Variants in DIP2C observed in about 807,000 individuals in gnomAD.
DIP2C encodes disco-interacting protein 2 homolog C.
A neutral mutation model predicts 192.4 loss-of-function variants in DIP2C; 33 were observed. The ratio of observed to expected loss-of-function variants is 0.17; its 90% CI spans 0.13 to 0.23. The LOEUF (loss-of-function observed/expected upper bound fraction) is 0.23, where lower values mean the gene tolerates loss of function less well. DIP2C is among the 10% of genes least tolerant of loss of function. DIP2C has a pLI of 1.00. For synonymous variants in DIP2C, 979 were observed against 864.1 expected, an observed-to-expected ratio of 1.13 and a Z score of -2.33; for missense variants, 1,537 against 2,110.1, an observed-to-expected ratio of 0.73 and a Z score of 5.32.
chr10:666,102 C>G lies in DIP2C; in HGVS notation c.85+23392G>C, dbSNP rs1857071473. 6.6e-6 allele frequency: 1 copy of G among 152,194 alleles called. No individual in the cohort carries two copies. The highest frequency in any genetic ancestry group is 2.4e-5 in the African/African-American group (1 of 41,450). 9.4% of individuals were successfully genotyped at this position (152,194 alleles called of 1,614,324 possible). On this transcript the variant is annotated intron_variant, in intron 1 of 36. Coordinates refer to ENST00000280886, the MANE Select transcript of DIP2C (RefSeq NM_014974.3). This position sits in a 1 kb window ranked among gnomAD's most constrained non-coding sequence, Gnocchi z 4.1. Reference sequence around the variant, plus strand: ...GCTACGGTGGAGGAACGAAGAGCAGCTGTGAGTTCGTGGGAAAGAAGGGCT... The same window carrying G: ...GCTACGGTGGAGGAACGAAGAGCAGGTGTGAGTTCGTGGGAAAGAAGGGCT...
intron 3 of DIP2C, among the ~76,000 whole-genome samples, chr10:452,661 C>T (rs1443809216): frequency 6.6e-6 from 1 of 152,218 alleles, no homozygotes; most frequent in African/African-American, 2.4e-5. Flanking sequence ...CCACGATGGC[C>T]CCCTGGTTCC....
chr10:371,020 C>T (rs983478581), intron 17 of DIP2C, among the ~76,000 whole-genome samples: 3 of 152,320 alleles, frequency 2.0e-5, no homozygotes, highest in African/African-American at 7.2e-5. Flanking sequence ...CCACACGGAA[C>T]TACCTAGATA....
chr10:372,714 C>T (rs1429436552), intron 17 of DIP2C, among the ~76,000 whole-genome samples: 185 of 151,848 alleles, frequency 1.2e-3, no homozygotes, highest in Middle Eastern at 6.8e-3. Flanking sequence ...CACAGAAGCG[C>T]AGGAGGTCCC....
rs141577341 is a variant in DIP2C, at chr10:400,950, C to T, written c.1150-1731G>A. The stretch of plus-strand genomic sequence containing the variant: ...GAATCCTATGATTTTACACGTGTGG[C>T]AGCATTAGCATTACTCTTCCTTATG... On this transcript the variant is annotated intron_variant, in intron 9 of 36. Transcript: ENST00000280886. Among the ~76,000 whole-genome samples, 383 of 100,534 alleles carry T rather than the reference C, an allele frequency of 3.8e-3. 17 individuals are homozygous for T. Among genetic ancestry groups the T allele is most frequent in the East Asian group, 0.022 (70 of 3,120 alleles). 66.0% of individuals were successfully genotyped at this position (100,534 alleles called of 152,430 possible).
At chr10:526,733 G>C (rs1299778336) in intron 1 of DIP2C, among the ~76,000 whole-genome samples, 5 of 152,188 alleles carry the variant, frequency 3.3e-5, no homozygotes, top group Admixed American at 6.5e-5. Flanking sequence ...CTTCCGGAAG[G>C]CATTTGTGTC....
At chr10:346,329 C>T (rs1958451169) in intron 26 of DIP2C, among the ~76,000 whole-genome samples, 1 of 78,676 alleles carries the variant, frequency 1.3e-5, no homozygotes, top group African/African-American at 5.9e-5. Context: ...ACACATCGCG[C>T]ATAGTTCTCC....
At position 413,992 on chromosome 10, in the gene DIP2C, C is replaced by T. The variant is rs545677855; in HGVS notation, c.978G>A (p.Arg326=). The part of the protein sequence containing the change: ...WPPSLEAALQ[R]WGTISPKAPC... ...GCGCCTTGGGCGAGATGGTGCCCCA[C>T]CTCTGCAGTGCGGCCTCCAGCGACG... The change falls in exon 8 of 37, where the codon AGG becomes AGA. Residue 326 remains arginine (R), a synonymous_variant. Transcript: ENST00000280886. 43 of 1,614,174 alleles carry T rather than the reference C, an allele frequency of 2.7e-5. No individual in the cohort carries two copies. In the South Asian group the frequency reaches 4.1e-4, roughly 15 times the overall value.
chr10:601,938 T>C (rs1340518917), intron 1 of DIP2C, among the ~76,000 whole-genome samples: 1 of 152,104 alleles, frequency 6.6e-6, no homozygotes, highest in African/African-American at 2.4e-5. Context: ...GATTGATCAG[T>C]GGGAACCGGC....
At chr10:565,753 G>A (rs994490196) in intron 1 of DIP2C, among the ~76,000 whole-genome samples, 7 of 152,192 alleles carry the variant, frequency 4.6e-5, no homozygotes, top group South Asian at 4.1e-4. Flanking sequence ...GCTTACAGTC[G>A]CGTAACGGAG....
chr10:674,482 TAGAG>T (rs1194240283), intron 1 of DIP2C, among the ~76,000 whole-genome samples: 3 of 151,942 alleles, frequency 2.0e-5, no homozygotes, highest in Non-Finnish European at 2.9e-5. Context: ...TAGATCTAAA[TAGAG>T]AGGCGGGGTG....
At chr10:384,448 G>A (rs111340963) in intron 15 of DIP2C, 98 bp downstream of exon 15, 37 of 1,225,548 alleles carry the variant, frequency 3.0e-5, no homozygotes, top group African/African-American at 1.8e-4. Flanking sequence ...ATATTGGCCC[G>A]GGTGGTCTGG....
intron 1 of DIP2C, among the ~76,000 whole-genome samples, chr10:678,183 G>C (rs1281043117): frequency 6.6e-6 from 1 of 152,150 alleles, no homozygotes; most frequent in African/African-American, 2.4e-5. Context: ...CTGGAACTCT[G>C]AGTGGAAGTT....
intron 9 of DIP2C, among the ~76,000 whole-genome samples, chr10:404,693 T>C (rs1428470141): frequency 2.0e-5 from 3 of 152,220 alleles, no homozygotes; most frequent in Non-Finnish European, 4.4e-5. Context: ...GCAGGATCAC[T>C]GGCAGACACA....
intron 1 of DIP2C, among the ~76,000 whole-genome samples, chr10:606,176 G>A (rs1588579875): frequency 6.6e-6 from 1 of 152,224 alleles, no homozygotes; most frequent in African/African-American, 2.4e-5. Context: ...AACGAGTCCT[G>A]CATAAACCCT....
At chr10:473,847 G>C (rs1970846922) in intron 2 of DIP2C, among the ~76,000 whole-genome samples, 2 of 152,234 alleles carry the variant, frequency 1.3e-5, no homozygotes, top group Admixed American at 1.3e-4. Flanking sequence ...GAGAGTTGTA[G>C]AGTCTGTGGA....
At chr10:320,052 A>G (rs1452557791) in intron 31 of DIP2C, among the ~76,000 whole-genome samples, 1 of 152,250 alleles carries the variant, frequency 6.6e-6, no homozygotes, top group Non-Finnish European at 1.5e-5. Context: ...GTTGAAGAAT[A>G]GTAAACCCTG....
intron 1 of DIP2C, among the ~76,000 whole-genome samples, chr10:580,139 G>A (rs1320062641): frequency 6.6e-6 from 1 of 152,112 alleles, no homozygotes; most frequent in Non-Finnish European, 1.5e-5. Flanking sequence ...TGCATATAGT[G>A]TACACATATC....
chr10:393,435 TC>T (rs995004333), intron 10 of DIP2C, among the ~76,000 whole-genome samples: 1 of 152,082 alleles, frequency 6.6e-6, no homozygotes, highest in African/African-American at 2.4e-5. Flanking sequence ...GGCCAACAGG[TC>T]CATGAAAAGG....
intron 1 of DIP2C, among the ~76,000 whole-genome samples, chr10:545,449 C>T (rs1007598646): frequency 2.0e-5 from 3 of 152,100 alleles, no homozygotes; most frequent in Non-Finnish European, 4.4e-5. Flanking sequence ...AGCCACCACG[C>T]CCAGCCATGA....
Sources: allele counts gnomAD v4.1 joint callset (sites outside exome capture counted in the v4.1 genomes callset), GRCh38; gene constraint gnomAD v4.1.1; non-coding constraint Gnocchi (gnomAD v3.1); transcripts MANE v1.5; gene names NCBI Gene and HGNC (gene_info 2026-07-23, HGNC 2026-07-21).